Variants in TBCK observed in about 807,000 individuals in gnomAD.
TBCK encodes the protein TBC1 domain containing kinase.
A neutral mutation model predicts 113.4 loss-of-function variants in TBCK; 99 were observed. That is an observed-to-expected ratio of 0.87 (90% CI 0.74 to 1.03). The LOEUF (loss-of-function observed/expected upper bound fraction) is 1.03. Among genes scored for constraint, TBCK ranks in the 50% least tolerant of loss-of-function variants. TBCK has a pLI of 0.00. For missense variants in TBCK, 1,045 were observed against 1,061.3 expected, an observed-to-expected ratio of 0.98 and a Z score of 0.21; for synonymous variants, 369 against 370.8, an observed-to-expected ratio of 1.00 and a Z score of 0.05.
chr4:106,177,995 A>G (rs1470924185), intron 22 of TBCK, among the ~76,000 whole-genome samples: 1 of 151,818 alleles, frequency 6.6e-6, no homozygotes, highest in Non-Finnish European at 1.5e-5. Context: ...TGCCCTCTAT[A>G]ATTTATTTCA....
chr4:106,150,008 G>T (rs1748291679), intron 23 of TBCK, among the ~76,000 whole-genome samples: 1 of 152,202 alleles, frequency 6.6e-6, no homozygotes, highest in African/African-American at 2.4e-5. Context: ...CCACATGAAT[G>T]ACTTTAGAAA....
chr4:106,115,765 A>G (rs1743406158), intron 24 of TBCK, among the ~76,000 whole-genome samples: 1 of 152,216 alleles, frequency 6.6e-6, no homozygotes, highest in African/African-American at 2.4e-5. Context: ...GTTAGTGAAA[A>G]TACATGTTCT....
Position 106,230,403 on chromosome 4 carries a change from C to T in TBCK, c.1734G>A (p.Leu578=), listed in dbSNP as rs1758727931. The T allele has an allele frequency of 1.2e-6, 2 of 1,602,154 alleles. No homozygotes were observed. The highest frequency in any genetic ancestry group is 2.7e-5 in the African/African-American group (2 of 74,686). ...AGTTGTCTTTTAAGAAGAAGTTATA[C>T]AGGTATTTGGGAATAAAAGCAGACA... is the stretch of plus-strand genomic sequence containing the variant. The part of the protein sequence containing the change: ...ACMSAFIPKY[L]YNFFLKDNSH... Residue 578 remains leucine, a synonymous_variant, in exon 19 of 26, where the codon CTG becomes CTA. Coordinates refer to ENST00000394708, the MANE Select transcript of TBCK (RefSeq NM_001163435.3).
intron 3 of TBCK, among the ~76,000 whole-genome samples, chr4:106,289,942 T>C (rs1238026390): frequency 6.6e-6 from 1 of 152,114 alleles, no homozygotes; most frequent in East Asian, 1.9e-4. Flanking sequence ...GCCTAACTAG[T>C]TAGGGCATAT....
chr4:106,217,811 T>C (rs1450387239), intron 19 of TBCK, among the ~76,000 whole-genome samples: 1 of 150,078 alleles, frequency 6.7e-6, no homozygotes, highest in Non-Finnish European at 1.5e-5. Flanking sequence ...ATTTATAGAT[T>C]CAATGCTATC....
intron 22 of TBCK, among the ~76,000 whole-genome samples, chr4:106,190,015 T>C (rs1343513962): frequency 1.3e-5 from 2 of 152,220 alleles, no homozygotes; most frequent in African/African-American, 4.8e-5. Flanking sequence ...TAAGAAAAAC[T>C]GCCTAACTCC....
intron 1 of TBCK, among the ~76,000 whole-genome samples, chr4:106,311,302 A>G (rs1344696022): frequency 2.0e-5 from 3 of 151,766 alleles, no homozygotes; most frequent in Admixed American, 2.0e-4. Flanking sequence ...AATATCCCCA[A>G]GCTGGAGACA....
intron 23 of TBCK, among the ~76,000 whole-genome samples, chr4:106,126,038 C>T (rs1745171565): frequency 6.6e-6 from 1 of 152,184 alleles, no homozygotes; most frequent in East Asian, 1.9e-4. Context: ...CATCTTGTCC[C>T]TTATGCTTTA....
At chr4:106,234,437 G>C (rs1158767484) in intron 15 of TBCK, among the ~76,000 whole-genome samples, 1 of 152,056 alleles carries the variant, frequency 6.6e-6, no homozygotes, top group African/African-American at 2.4e-5. Flanking sequence ...ATTAAAAATA[G>C]TTGAGGATTT....
At chr4:106,300,232 G>A (rs778917853) in intron 2 of TBCK, among the ~76,000 whole-genome samples, 10 of 152,140 alleles carry the variant, frequency 6.6e-5, no homozygotes, top group African/African-American at 2.4e-4. Context: ...TCCATTAAAC[G>A]TTTTTCCTGT....
At chr4:106,278,968 C>T (rs752501399) in intron 3 of TBCK, among the ~76,000 whole-genome samples, 2 of 152,046 alleles carry the variant, frequency 1.3e-5, no homozygotes, top group South Asian at 4.2e-4. Context: ...ATTCCAAGTG[C>T]TTATTTAGTT....
chr4:106,179,388 C>A (rs1490583479), intron 22 of TBCK, among the ~76,000 whole-genome samples: 1 of 151,912 alleles, frequency 6.6e-6, no homozygotes, highest in Non-Finnish European at 1.5e-5. Flanking sequence ...CAATAAACTA[C>A]CCTCTTAGAA....
chr4:106,200,642 CATATA>C (rs961873442), intron 20 of TBCK, among the ~76,000 whole-genome samples: 39 of 151,142 alleles, frequency 2.6e-4, no homozygotes, highest in Non-Finnish European at 5.7e-4. Context: ...CACTACCTAC[CATATA>C]ATATATTTAT....
intron 2 of TBCK, among the ~76,000 whole-genome samples, chr4:106,299,523 G>C (rs994456986): frequency 6.6e-6 from 1 of 152,104 alleles, no homozygotes; most frequent in Non-Finnish European, 1.5e-5. Context: ...GTTTGCCAAA[G>C]CTTCAAGATT....
At chr4:106,261,851 T>C (rs1323140493) in intron 4 of TBCK, among the ~76,000 whole-genome samples, 1 of 151,880 alleles carries the variant, frequency 6.6e-6, no homozygotes, top group African/African-American at 2.4e-5. Flanking sequence ...AAAAAAACCA[T>C]AAAGTTAGAA....
chr4:106,237,442 A>G (rs973649339), intron 12 of TBCK: 27 of 453,032 alleles, frequency 6.0e-5, no homozygotes, highest in South Asian at 4.2e-4. Flanking sequence ...AGTAAAGTAA[A>G]ATGTTAACCA....
Position 106,308,796 on chromosome 4 carries a change from C to G in TBCK, c.165G>C (p.Gln55His). The G allele has an allele frequency of 6.2e-7, 1 of 1,613,752 alleles. No individual in the cohort carries two copies. Among genetic ancestry groups the G allele is most frequent in the Non-Finnish European group, 8.5e-7 (1 of 1,179,862 alleles). The change falls in exon 2 of 26, where the codon CAG (glutamine) becomes CAC (histidine). Residue 55 changes from glutamine (Q) to histidine (H), a missense_variant. Gln to His is a conservative substitution (Grantham distance 24). Coordinates refer to ENST00000394708, the MANE Select transcript of TBCK (RefSeq NM_001163435.3). ...GCTTTCCCCTAGAAATATCCACATA[C>G]TGGCAGAGTCTGGGATGGGTGATGG... ...LKTITHPRLCQYVDISRGKHE... is the reference protein window; with the variant it reads ...LKTITHPRLCHYVDISRGKHE...
At chr4:106,230,287 T>G (rs1758713742) in intron 19 of TBCK, 76 bp downstream of exon 19, 2 of 930,802 alleles carry the variant, frequency 2.1e-6, no homozygotes, top group South Asian at 5.0e-5. Context: ...AAATCTTAAA[T>G]TTAATCAAAT....
At chr4:106,125,612 G>C (rs1242517720) in intron 23 of TBCK, among the ~76,000 whole-genome samples, 1 of 152,134 alleles carries the variant, frequency 6.6e-6, no homozygotes, top group Non-Finnish European at 1.5e-5. Context: ...GCACAGAAAG[G>C]CAAATATTGC....
Sources: allele counts gnomAD v4.1 joint callset (sites outside exome capture counted in the v4.1 genomes callset), GRCh38; gene constraint gnomAD v4.1.1; transcripts MANE v1.5; gene names NCBI Gene and HGNC (gene_info 2026-07-23, HGNC 2026-07-21).